Variants in SMCHD1 observed in about 807,000 individuals in gnomAD.
SMCHD1 encodes the protein structural maintenance of chromosomes flexible hinge domain containing 1.
Under a neutral mutation model 254.7 loss-of-function variants are expected in SMCHD1, and 78 were observed. The observed-to-expected ratio is 0.31, with a 90% CI of 0.26 to 0.37. The LOEUF (loss-of-function observed/expected upper bound fraction) is 0.37, where lower values mean the gene tolerates loss of function less well. Among genes scored for constraint, SMCHD1 ranks in the 10% least tolerant of loss-of-function variants. The pLI is 1.00. For missense variants in SMCHD1, 1,840 were observed against 2,408.1 expected, an observed-to-expected ratio of 0.76 and a Z score of 4.94; for synonymous variants, 766 against 794.9, an observed-to-expected ratio of 0.96 and a Z score of 0.61.
Position 2,775,886 on chromosome 18 carries a change from T to G in SMCHD1, c.5328T>G (p.Leu1776=). 1 of 1,605,156 alleles carries G rather than the reference T, an allele frequency of 6.2e-7. No homozygotes were observed. The highest frequency in any genetic ancestry group is 8.5e-7 in the Non-Finnish European group (1 of 1,176,994). ...ETQGRQQVLP[L]DSIYKKTLPD... ...AAGGTCGTCAGCAGGTGTTGCCCCT[T>G]GATTCTATTTACAAGAAGACTCTTC... Residue 1776 remains leucine, a synonymous_variant, in exon 42 of 48, where the codon CTT becomes CTG. Coordinates refer to ENST00000320876, the MANE Select transcript of SMCHD1 (RefSeq NM_015295.3).
rs144115061 is a variant in SMCHD1 at position 2,796,115 on chromosome 18, T to G, written c.5878+8T>G. The stretch of plus-strand genomic sequence containing the variant: ...TAATAGAGGAAAAACTAGGTAAGTC[T>G]TTGCTTTTTGTTAACTTCTACTTTC... On this transcript the variant is annotated splice_region_variant and intron_variant, in intron 46 of 47. Coordinates refer to ENST00000320876, the MANE Select transcript of SMCHD1 (RefSeq NM_015295.3). 1.3e-3 allele frequency: 2,040 copies of G among 1,523,842 alleles called. 2 individuals carry two copies. Among genetic ancestry groups the G allele is most frequent in the Admixed American group, 1.8e-3 (76 of 41,426 alleles). 94.4% of individuals were successfully genotyped at this position (1,523,842 alleles called of 1,614,324 possible). A position where few individuals can be genotyped will look rare whatever the true frequency, so the allele number is the denominator to read the frequency against.
intron 5 of SMCHD1, among the ~76,000 whole-genome samples, chr18:2,678,266 T>C (rs1568115490): frequency 9.8e-5 from 13 of 132,502 alleles, no homozygotes; most frequent in Admixed American, 2.2e-4. Flanking sequence ...TCTCTCTCTC[T>C]CTCTCTCCCT....
chr18:2,723,774 G>C (rs1202618533), intron 20 of SMCHD1, among the ~76,000 whole-genome samples: 1 of 152,194 alleles, frequency 6.6e-6, no homozygotes, highest in East Asian at 1.9e-4. Context: ...GCAGAGAGGA[G>C]AGATCTGGAG....
chr18:2,777,159 T>C (rs1275736988), intron 42 of SMCHD1, among the ~76,000 whole-genome samples: 4 of 151,828 alleles, frequency 2.6e-5, no homozygotes, highest in Non-Finnish European at 5.9e-5. Flanking sequence ...TTAAGGATCA[T>C]TGATTTAGGG....
chr18:2,760,196 A>G (rs138302856), intron 34 of SMCHD1, among the ~76,000 whole-genome samples: 2,576 of 152,336 alleles, frequency 0.017, 40 homozygotes, highest in Middle Eastern at 0.031. Flanking sequence ...TTGGTAATTG[A>G]TTCACAGTAA....
intron 45 of SMCHD1, among the ~76,000 whole-genome samples, chr18:2,792,873 C>T (rs2076191020): frequency 6.6e-6 from 1 of 152,090 alleles, no homozygotes; most frequent in South Asian, 2.1e-4. Flanking sequence ...GATGATCTCT[C>T]ATGGACCTGT....
Position 2,685,331 on chromosome 18 carries a change from C to A in SMCHD1, c.639-3063C>A, listed in dbSNP as rs867227266. ...AGCCAGGATGGTCTTGATCTCCTGACCTCGTGATCCGCCCACCTCGGCCTC... is the reference window on the plus strand; with the variant it reads ...AGCCAGGATGGTCTTGATCTCCTGAACTCGTGATCCGCCCACCTCGGCCTC... On this transcript the variant is annotated intron_variant, in intron 5 of 47. Coordinates refer to ENST00000320876, the MANE Select transcript of SMCHD1 (RefSeq NM_015295.3). Among the ~76,000 whole-genome samples, 6 of 152,030 alleles carry A rather than the reference C, an allele frequency of 3.9e-5. 1 individual carries two copies. In the Middle Eastern group the frequency reaches 0.01, roughly 259 times the overall value.
intron 17 of SMCHD1, 45 bp downstream of exon 17, chr18:2,707,965 T>C (rs746975611): frequency 1.7e-6 from 2 of 1,144,490 alleles, no homozygotes; most frequent in South Asian, 1.8e-5. Flanking sequence ...GTTTTTAAAA[T>C]ATAATATCAA....
chr18:2,707,687 C>A, intron 16 of SMCHD1, 42 bp downstream of exon 16: 1 of 1,503,362 alleles, frequency 6.7e-7, no homozygotes, highest in Non-Finnish European at 9.1e-7. Context: ...GTGTGCTTTT[C>A]TTTTGTCTTA....
intron 34 of SMCHD1, chr18:2,753,147 C>G (rs2075607971): frequency 6.6e-6 from 1 of 152,318 alleles, no homozygotes; most frequent in Non-Finnish European, 1.5e-5. Flanking sequence ...CAAACCCTCT[C>G]CTGATTTGGT....
intron 3 of SMCHD1, among the ~76,000 whole-genome samples, chr18:2,670,034 C>T (rs1418381510): frequency 1.3e-5 from 2 of 152,200 alleles, no homozygotes; most frequent in Non-Finnish European, 2.9e-5. Context: ...ATTACACTAA[C>T]TAGTAGTTAC....
intron 42 of SMCHD1, 77 bp from the exon 43 acceptor site, chr18:2,777,729 A>G: frequency 1.4e-6 from 1 of 734,484 alleles, no homozygotes; most frequent in Non-Finnish European, 2.2e-6. Flanking sequence ...CAATATATTC[A>G]TGTTTTCCAT....
chr18:2,717,284 C>T (rs989536028), intron 17 of SMCHD1, among the ~76,000 whole-genome samples: 1 of 152,196 alleles, frequency 6.6e-6, no homozygotes, highest in South Asian at 2.1e-4. Flanking sequence ...AGAGGATTCA[C>T]TCCCAGTTTT....
intron 17 of SMCHD1, among the ~76,000 whole-genome samples, chr18:2,709,535 C>A (rs1276801176): frequency 6.6e-6 from 1 of 152,090 alleles, no homozygotes; most frequent in Non-Finnish European, 1.5e-5. Flanking sequence ...TTGTTATTTC[C>A]TGTGGGTTTT....
At chr18:2,745,103 G>A (rs570631885) in intron 29 of SMCHD1, among the ~76,000 whole-genome samples, 3 of 152,264 alleles carry the variant, frequency 2.0e-5, no homozygotes, top group East Asian at 1.9e-4. Context: ...TTGGCCTCCC[G>A]AAGTGCTGGG....
intron 17 of SMCHD1, among the ~76,000 whole-genome samples, chr18:2,715,302 T>C (rs900518164): frequency 6.6e-6 from 1 of 152,186 alleles, no homozygotes; most frequent in Non-Finnish European, 1.5e-5. Flanking sequence ...TTTTTTACAA[T>C]TCTTTTTTCT....
intron 17 of SMCHD1, among the ~76,000 whole-genome samples, chr18:2,710,404 G>T (rs2074640314): frequency 6.6e-6 from 1 of 152,154 alleles, no homozygotes. Flanking sequence ...TGTAGGATGC[G>T]TTTTTCTATT....
intron 13 of SMCHD1, 76 bp downstream of exon 13, chr18:2,703,962 T>C (rs2074458879): frequency 6.2e-6 from 7 of 1,137,436 alleles, no homozygotes; most frequent in Non-Finnish European, 8.3e-6. Context: ...ATCACATGTA[T>C]AGAAAATAAG....
At chr18:2,728,683 A>G (rs2075073035) in intron 23 of SMCHD1, 87 bp downstream of exon 23, 2 of 1,354,138 alleles carry the variant, frequency 1.5e-6, no homozygotes, top group Admixed American at 2.5e-5. Flanking sequence ...AGTCTTACAC[A>G]GGATTTAAGT....
Sources: gnomAD v4.1 joint callset for allele counts (sites outside exome capture counted in the v4.1 genomes callset) on GRCh38, gnomAD v4.1.1 for gene constraint, MANE v1.5 for transcripts, NCBI Gene and HGNC (gene_info 2026-07-23, HGNC 2026-07-21) for gene names.